The following GRM2 variants were observed in gnomAD, a reference collection of about 807,000 sequenced individuals.
GRM2 encodes metabotropic glutamate receptor 2.
A neutral mutation model predicts 60.4 loss-of-function variants in GRM2; 35 were observed. The ratio of observed to expected loss-of-function variants is 0.58; its 90% CI spans 0.44 to 0.77. GRM2 has a LOEUF of 0.77. GRM2 is among the 30% of genes least tolerant of loss of function. The probability of loss-of-function intolerance (pLI) is 0.00; values close to 1 mark genes in which losing one functional copy is unlikely to be tolerated. For missense variants in GRM2, 925 were observed against 1,199.5 expected (o/e 0.77, Z 3.38); for synonymous variants, 437 against 484.1 (o/e 0.90, Z 1.28).
intron 2 of GRM2, among the ~76,000 whole-genome samples, chr3:51,711,978 G>A (rs547959728): frequency 6.6e-6 from 1 of 152,306 alleles, no homozygotes; most frequent in East Asian, 1.9e-4. Context: ...GCCTATTAGG[G>A]CCACCGGACC....
At position 51,717,159 on chromosome 3, in the gene GRM2, C is replaced by T. The variant is rs1394343350; in HGVS notation, c.2365-478C>T. On this transcript the variant is annotated intron_variant, in intron 4 of 5. Coordinates refer to ENST00000395052, the MANE Select transcript of GRM2 (RefSeq NM_000839.5). The surrounding 1 kb of genome is among the most constrained non-coding windows in gnomAD (Gnocchi z 6.0). ...ACACTTGTACACACAGACATAGCCA[C>T]ATGCATGCATGCACACACACATATC... is the stretch of plus-strand genomic sequence containing the variant. 1.3e-5 allele frequency among the ~76,000 whole-genome samples: 2 copies of T among 151,970 alleles called. No homozygotes were observed. Among genetic ancestry groups the T allele is most frequent in the African/African-American group, 2.4e-5 (1 of 41,358 alleles).
chr3:51,708,982 C>A lies in GRM2; in HGVS notation c.-2C>A. ...CGGGACCCATCCATCCCCTTTGGGG[C>A]CATGGGATCGCTGCTTGCGCTCCTG... On this transcript the variant is annotated 5_prime_UTR_variant, in exon 2 of 6. Coordinates refer to ENST00000395052, the MANE Select transcript of GRM2 (RefSeq NM_000839.5). The A allele has an allele frequency of 6.4e-7, 1 of 1,566,234 alleles. No homozygotes were observed.
Position 51,708,889 on chromosome 3 carries a change from C to T in GRM2, c.-95C>T. 1.1e-6 allele frequency: 1 copy of T among 913,932 alleles called. No individual in the cohort carries two copies. Among genetic ancestry groups the T allele is most frequent in the African/African-American group, 1.7e-5 (1 of 60,048 alleles). The allele number at this position is 913,932 out of a possible 1,614,324, so 56.6% of individuals were successfully genotyped here. A position where few individuals can be genotyped will look rare whatever the true frequency, so the allele number is the denominator to read the frequency against. On this transcript the variant is annotated 5_prime_UTR_variant, in exon 2 of 6. Transcript: ENST00000395052. The stretch of plus-strand genomic sequence containing the variant: ...CATCTCTCTTCTTGTCTGTCCTTTC[C>T]TGGTCCCTGTTTCCTCCTCTCTTTG...
chr3:51,713,437 G>A lies in GRM2; in HGVS notation c.1288+127G>A, dbSNP rs1024461719. On this transcript the variant is annotated intron_variant, in intron 3 of 5. Coordinates refer to ENST00000395052, the MANE Select transcript of GRM2 (RefSeq NM_000839.5). The surrounding 1 kb of genome is among the most constrained non-coding windows in gnomAD (Gnocchi z 4.8). The stretch of plus-strand genomic sequence containing the variant: ...AAGTAAAGGACTCACCTGGGGTGGC[G>A]TCAGAGCAAGGGCAAGGATGCTAGG... 1.4e-5 allele frequency: 10 copies of A among 694,264 alleles called. No individual in the cohort carries two copies. Among genetic ancestry groups the A allele is most frequent in the Non-Finnish European group, 2.4e-5 (10 of 413,190 alleles). The allele number at this position is 694,264 out of a possible 1,614,324, so 43.0% of individuals were successfully genotyped here.
In GRM2 at chr3:51,712,766, G is replaced by A. The variant is rs546599365; in HGVS notation, c.744G>A (p.Ala248=). The A allele has an allele frequency of 1.1e-3, 1,772 of 1,613,336 alleles. 24 individuals carry two copies. In the South Asian group the frequency reaches 0.018, roughly 16 times the overall value. The change falls in exon 3 of 6, where the codon GCG becomes GCA. Residue 248 remains alanine (A), a synonymous_variant. Transcript: ENST00000395052. The surrounding 1 kb of genome is among the most constrained non-coding windows in gnomAD (Gnocchi z 5.3). Reference sequence around the variant, plus strand: ...AAGTGGGCCGTGCCATGAGCCGCGCGGCCTTTGAGGGTGTGGTGCGAGCCC... The same window carrying A: ...AAGTGGGCCGTGCCATGAGCCGCGCAGCCTTTGAGGGTGTGGTGCGAGCCC... ...SEKVGRAMSR[A]AFEGVVRALL...
rs753899005 is a variant in GRM2, at chr3:51,715,319, G to A, written c.1546G>A (p.Glu516Lys). 5 of 1,613,578 alleles carry A rather than the reference G, an allele frequency of 3.1e-6. No homozygotes were observed. Among genetic ancestry groups the A allele is most frequent in the African/African-American group, 1.3e-5 (1 of 75,068 alleles). The change falls in exon 4 of 6, where the codon GAA becomes AAA. Residue 516 changes from glutamate to lysine, a missense_variant. Glu to Lys is a moderately conservative substitution (Grantham distance 56). Transcript: ENST00000395052. The surrounding 1 kb of genome is among the most constrained non-coding windows in gnomAD (Gnocchi z 9.0). ...QNEVKSVQPG[E>K]VCCWLCIPCQ... ...TGAGGTGAAGAGTGTGCAGCCGGGCGAAGTCTGCTGCTGGCTCTGCATTCC... is the reference window on the plus strand; with the variant it reads ...TGAGGTGAAGAGTGTGCAGCCGGGCAAAGTCTGCTGCTGGCTCTGCATTCC...
At position 51,709,143 on chromosome 3, in the gene GRM2, A is replaced by G; in HGVS notation, c.160A>G (p.Asn54Asp). Reference sequence around the variant, plus strand: ...CCCAGCAGAGGACTGTGGTCCTGTCAATGAGCACCGTGGCATCCAGCGCCT... The same window carrying G: ...CCCAGCAGAGGACTGTGGTCCTGTCGATGAGCACCGTGGCATCCAGCGCCT... ...GGPAEDCGPV[N>D]EHRGIQRLEA... The change falls in exon 2 of 6, where the codon AAT (asparagine) becomes GAT (aspartate). Residue 54 changes from asparagine to aspartate, a missense_variant. By Grantham distance (23) the Asn-to-Asp change is conservative. Coordinates refer to ENST00000395052, the MANE Select transcript of GRM2 (RefSeq NM_000839.5). 1 of 1,612,528 alleles carries G rather than the reference A, an allele frequency of 6.2e-7. No homozygotes were observed. Among genetic ancestry groups the G allele is most frequent in the Non-Finnish European group, 8.5e-7 (1 of 1,179,592 alleles).
Position 51,712,986 on chromosome 3 carries a change from T to G in GRM2, c.964T>G (p.Tyr322Asp), listed in dbSNP as rs1215023338. Residue 322 changes from tyrosine to aspartate, a missense_variant, in exon 3 of 6, where the codon TAC (tyrosine) becomes GAC (aspartate). By Grantham distance (160) the Tyr-to-Asp change is radical. Coordinates refer to ENST00000395052, the MANE Select transcript of GRM2 (RefSeq NM_000839.5). This position sits in a 1 kb window ranked among gnomAD's most constrained non-coding sequence, Gnocchi z 5.3. ...TGCTATCACCATCGAGCTGGCCTCC[T>G]ACCCCATCAGTGACTTTGCCTCCTA... ...EGAITIELASYPISDFASYFQ... is the reference protein window; with the variant it reads ...EGAITIELASDPISDFASYFQ... 6.2e-7 allele frequency: 1 copy of G among 1,613,308 alleles called. No individual in the cohort carries two copies. The highest frequency in any genetic ancestry group is 8.5e-7 in the Non-Finnish European group (1 of 1,180,022).
rs1439950615 is a variant in GRM2, at chr3:51,713,393, T to A, written c.1288+83T>A. Reference sequence around the variant, plus strand: ...AGAACTTCAGCTTCCATTCCTTTGCTAAGGAAACAGTAGAGTGAAAGTAAA... The same window carrying A: ...AGAACTTCAGCTTCCATTCCTTTGCAAAGGAAACAGTAGAGTGAAAGTAAA... On this transcript the variant is annotated intron_variant, in intron 3 of 5. Transcript: ENST00000395052. The surrounding 1 kb of genome is among the most constrained non-coding windows in gnomAD (Gnocchi z 4.8). The A allele has an allele frequency of 3.1e-6, 3 of 979,618 alleles. No individual in the cohort carries two copies. Among genetic ancestry groups the A allele is most frequent in the Non-Finnish European group, 3.1e-6 (2 of 653,862 alleles). 60.7% of individuals were successfully genotyped at this position (979,618 alleles called of 1,614,324 possible).
chr3:51,716,046 A>T lies in GRM2; in HGVS notation c.2273A>T (p.Glu758Val). Residue 758 changes from glutamate (E) to valine (V), a missense_variant, in exon 4 of 6, where the codon GAG becomes GTG. By Grantham distance (121) the Glu-to-Val change is moderately radical. Transcript: ENST00000395052. The surrounding 1 kb of genome is among the most constrained non-coding windows in gnomAD (Gnocchi z 4.0). ...CGCAAGTGCCCCGAAAACTTCAACG[A>T]GGCCAAGTTCATTGGCTTCACCATG... ...KTRKCPENFN[E>V]AKFIGFTMYT... 1.2e-6 allele frequency: 2 copies of T among 1,614,246 alleles called. No homozygotes were observed. Among genetic ancestry groups the T allele is most frequent in the Middle Eastern group, 1.6e-4 (1 of 6,062 alleles).
In GRM2 at chr3:51,717,120, G is replaced by GCA. The variant is rs5848933; in HGVS notation, c.2365-501_2365-500dup. ...ACACACACCGTACCCACACATGCAT[G>GCA]CACACACACACACACACTTGTACAC... On this transcript the variant is annotated intron_variant, in intron 4 of 5. Transcript: ENST00000395052. The surrounding 1 kb of genome is among the most constrained non-coding windows in gnomAD (Gnocchi z 6.0). Among the ~76,000 whole-genome samples the GCA allele has an allele frequency of 0.82, 122,793 of 150,130 alleles. 50,472 individuals are homozygous for GCA. The highest frequency in any genetic ancestry group is 0.93 in the East Asian group (4,764 of 5,102).
intron 2 of GRM2, among the ~76,000 whole-genome samples, chr3:51,711,982 C>A (rs181749576): frequency 2.6e-5 from 4 of 152,348 alleles, no homozygotes; most frequent in Non-Finnish European, 2.9e-5. Flanking sequence ...ATTAGGGCCA[C>A]CGGACCCTGG....
At position 51,709,018 on chromosome 3, in the gene GRM2, T is replaced by C. The variant is rs75461739; in HGVS notation, c.35T>C (p.Leu12Pro). The C allele has an allele frequency of 6.0e-3, 9,517 of 1,592,482 alleles. 365 individuals carry two copies. In the African/African-American group the frequency reaches 0.097, roughly 16 times the overall value. The change falls in exon 2 of 6, where the codon CTG becomes CCG. Residue 12 changes from leucine to proline, a missense_variant. Physicochemically the swap from Leu to Pro is moderately conservative, Grantham distance 98. Coordinates refer to ENST00000395052, the MANE Select transcript of GRM2 (RefSeq NM_000839.5). ...CTGCTTGCGCTCCTGGCACTGCTGC[T>C]GCTGTGGGGTGCTGTGGCTGAGGGC... is the stretch of plus-strand genomic sequence containing the variant. Reference protein sequence around the residue: ...GSLLALLALLLLWGAVAEGPA... With the variant: ...GSLLALLALLPLWGAVAEGPA...
rs150432155 is a variant in GRM2 at position 51,713,693 on chromosome 3, T to C, written c.1288+383T>C. 22 of 303,830 alleles carry C rather than the reference T, an allele frequency of 7.2e-5. No individual in the cohort carries two copies. The East Asian group carries it at 1.7e-3, about 24-fold the overall frequency. The allele number at this position is 303,830 out of a possible 1,614,324, so 18.8% of individuals were successfully genotyped here. On this transcript the variant is annotated intron_variant, in intron 3 of 5. Transcript: ENST00000395052. The surrounding 1 kb of genome is among the most constrained non-coding windows in gnomAD (Gnocchi z 4.8). The stretch of plus-strand genomic sequence containing the variant: ...TTGAGGGTGAGCATCAGGATGACGC[T>C]CTATATTCACGGAAAATGTCTTTCT...
chr3:51,712,940 C>T lies in GRM2; in HGVS notation c.918C>T (p.Gly306=). 1 of 1,613,056 alleles carries T rather than the reference C, an allele frequency of 6.2e-7. No homozygotes were observed. The highest frequency in any genetic ancestry group is 8.5e-7 in the Non-Finnish European group (1 of 1,179,992). The change falls in exon 3 of 6, where the codon GGC becomes GGT. Residue 306 remains glycine, a synonymous_variant. Transcript: ENST00000395052. This position sits in a 1 kb window ranked among gnomAD's most constrained non-coding sequence, Gnocchi z 5.3. ...GGGCCCTGGAGAGTGTGGTGGCAGG[C>T]AGTGAGGGGGCTGCTGAGGGTGCTA... ...GWGALESVVA[G]SEGAAEGAIT...
Position 51,717,546 on chromosome 3 carries a change from C to G in GRM2, c.2365-91C>G. ...CAGCCCAGTGTTGGATGCTTAGTCT[C>G]CCCCACTCCCTCCCCCACAGATCAG... On this transcript the variant is annotated intron_variant, in intron 4 of 5. Coordinates refer to ENST00000395052, the MANE Select transcript of GRM2 (RefSeq NM_000839.5). This position sits in a 1 kb window ranked among gnomAD's most constrained non-coding sequence, Gnocchi z 6.0. 1 of 1,013,636 alleles carries G rather than the reference C, an allele frequency of 9.9e-7. No homozygotes were observed. The highest frequency in any genetic ancestry group is 2.0e-5 in the Admixed American group (1 of 50,728). 62.8% of individuals were successfully genotyped at this position (1,013,636 alleles called of 1,614,324 possible).
At position 51,708,836 on chromosome 3, in the gene GRM2, A is replaced by C. The variant is rs1010935832; in HGVS notation, c.-136-12A>C. ...TCCTGGTCTGTTTTTCTGTCTTTCT[A>C]TCTCTCTGCAGGAGCTGGGTCCCTT... On this transcript the variant is annotated splice_polypyrimidine_tract_variant and intron_variant, in intron 1 of 5. Transcript: ENST00000395052. 8 of 579,248 alleles carry C rather than the reference A, an allele frequency of 1.4e-5. No individual in the cohort carries two copies. The highest frequency in any genetic ancestry group is 3.7e-5 in the African/African-American group (2 of 53,622). The allele number at this position is 579,248 out of a possible 1,614,324, so 35.9% of individuals were successfully genotyped here.
chr3:51,708,733 C>A, intron 1 of GRM2, 115 bp from the exon 2 acceptor site: 1 of 467,420 alleles, frequency 2.1e-6, no homozygotes. Context: ...CCTGTCCCTC[C>A]CTGGCTTTTG....
At position 51,713,314 on chromosome 3, in the gene GRM2, A is replaced by G. The variant is rs758277599; in HGVS notation, c.1288+4A>G. The G allele has an allele frequency of 2.5e-6, 4 of 1,589,824 alleles. No individual in the cohort carries two copies. In the South Asian group the frequency reaches 4.5e-5, roughly 18 times the overall value. Reference sequence around the variant, plus strand: ...GTGCTCAACGTCAAGTTTGATGGTAATGGTGTTGGCCAGTGTCCATTGGCC... The same window carrying G: ...GTGCTCAACGTCAAGTTTGATGGTAGTGGTGTTGGCCAGTGTCCATTGGCC... On this transcript the variant is annotated splice_donor_region_variant and intron_variant, in intron 3 of 5. Transcript: ENST00000395052. The surrounding 1 kb of genome is among the most constrained non-coding windows in gnomAD (Gnocchi z 4.8).
Sources: allele counts gnomAD v4.1 joint callset (sites outside exome capture counted in the v4.1 genomes callset), GRCh38; gene constraint gnomAD v4.1.1; non-coding constraint Gnocchi (gnomAD v3.1); transcripts MANE v1.5; gene names NCBI Gene and HGNC (gene_info 2026-07-23, HGNC 2026-07-21).